Variants in SYPL1 observed in about 807,000 individuals in gnomAD.
SYPL1 encodes the protein synaptophysin like 1.
In SYPL1, 6 loss-of-function variants were observed where a neutral mutation model predicts 23.7. The observed-to-expected ratio is 0.25, with a 90% CI of 0.14 to 0.50. The LOEUF (loss-of-function observed/expected upper bound fraction) is 0.50. Among genes scored for constraint, SYPL1 ranks in the 20% least tolerant of loss-of-function variants. The pLI, the probability that SYPL1 is intolerant of heterozygous loss-of-function variation, is 0.98. For synonymous variants in SYPL1, 102 were observed against 104.5 expected (o/e 0.98, Z 0.15); for missense variants, 253 against 288.9 (o/e 0.88, Z 0.90).
In SYPL1 at chr7:106,104,347, C is replaced by G. The variant is rs1840480220; in HGVS notation, c.70-5065G>C. On this transcript the variant is annotated intron_variant, in intron 1 of 4. Coordinates refer to ENST00000455385, the MANE Select transcript of SYPL1 (RefSeq NM_182715.4). The surrounding 1 kb of genome is among the most constrained non-coding windows in gnomAD (Gnocchi z 4.1). ...TTGTTTGAGCCCAGAAGTTCAATAC[C>G]AGCTTGGGCAACACAGTGAGACCCT... Among the ~76,000 whole-genome samples, 1 of 152,044 alleles carries G rather than the reference C, an allele frequency of 6.6e-6. No individual in the cohort carries two copies. Among genetic ancestry groups the G allele is most frequent in the Non-Finnish European group, 1.5e-5 (1 of 68,010 alleles).
chr7:106,111,113 C>T (rs577783090), intron 1 of SYPL1, among the ~76,000 whole-genome samples: 2 of 152,314 alleles, frequency 1.3e-5, no homozygotes, highest in South Asian at 4.1e-4. Context: ...ACCCCTTGCG[C>T]GGTTACAATG....
At position 106,109,330 on chromosome 7, in the gene SYPL1, T is replaced by C. The variant is rs917667477; in HGVS notation, c.69+2810A>G. ...CTTCACTTTCTTACCACACATTCAT[T>C]CAGCCTACTAAAATCTGGCTTTTTG... On this transcript the variant is annotated intron_variant, in intron 1 of 4. Transcript: ENST00000455385. This position sits in a 1 kb window ranked among gnomAD's most constrained non-coding sequence, Gnocchi z 4.3. Among the ~76,000 whole-genome samples the C allele has an allele frequency of 5.9e-5, 9 of 152,240 alleles. No individual in the cohort carries two copies. The highest frequency in any genetic ancestry group is 1.9e-4 in the African/African-American group (8 of 41,460).
Position 106,100,269 on chromosome 7 carries a change from C to CA in SYPL1, c.70-988dup. ...GTTCTCTCAAATACCATCTAAAACA[C>CA]AAAAAACCTAGAAGCAACCTAAATG... On this transcript the variant is annotated intron_variant, in intron 1 of 4. Coordinates refer to ENST00000455385, the MANE Select transcript of SYPL1 (RefSeq NM_182715.4). The surrounding 1 kb of genome is among the most constrained non-coding windows in gnomAD (Gnocchi z 5.1). Among the ~76,000 whole-genome samples the CA allele has an allele frequency of 6.6e-6, 1 of 152,204 alleles. No individual in the cohort carries two copies.
rs1403827597 is a variant in SYPL1 at position 106,096,171 on chromosome 7, T to C, written c.402+1519A>G. 3 of 152,228 alleles carry C rather than the reference T, an allele frequency of 2.0e-5. No homozygotes were observed. Among genetic ancestry groups the C allele is most frequent in the Non-Finnish European group, 4.4e-5 (3 of 68,040 alleles). 9.4% of individuals were successfully genotyped at this position (152,228 alleles called of 1,614,324 possible). On this transcript the variant is annotated intron_variant, in intron 3 of 4. Coordinates refer to ENST00000455385, the MANE Select transcript of SYPL1 (RefSeq NM_182715.4). This position sits in a 1 kb window ranked among gnomAD's most constrained non-coding sequence, Gnocchi z 4.4. ...GGATAAGCACTGCAAATTAAAACAGTTGACGTCTTATCTTTTTAACAACCG... is the reference window on the plus strand; with the variant it reads ...GGATAAGCACTGCAAATTAAAACAGCTGACGTCTTATCTTTTTAACAACCG...
chr7:106,112,236 C>G lies in SYPL1; in HGVS notation c.-28G>C. 6.5e-7 allele frequency: 1 copy of G among 1,527,330 alleles called. No individual in the cohort carries two copies. The allele number at this position is 1,527,330 out of a possible 1,614,324, so 94.6% of individuals were successfully genotyped here. A position where few individuals can be genotyped will look rare whatever the true frequency, so the allele number is the denominator to read the frequency against. On this transcript the variant is annotated 5_prime_UTR_variant, in exon 1 of 5. Transcript: ENST00000455385. Reference sequence around the variant, plus strand: ...TCTGAGGAAAGGAGGGAGAGAGAGTCAGGACGACGGGGCGGAGGAGGGGAC... The same window carrying G: ...TCTGAGGAAAGGAGGGAGAGAGAGTGAGGACGACGGGGCGGAGGAGGGGAC...
rs55991313 is a variant in SYPL1, at chr7:106,095,452, C to T, written c.402+2238G>A. Among the ~76,000 whole-genome samples the T allele has an allele frequency of 0.015, 2,266 of 151,820 alleles. 44 individuals carry two copies. Among genetic ancestry groups the T allele is most frequent in the African/African-American group, 0.052 (2,163 of 41,336 alleles). ...GTAACCTCCACCTCCTGGGTTCAAG[C>T]GATTCTCCTGCCTCAGCCTCCCAGT... On this transcript the variant is annotated intron_variant, in intron 3 of 4. Coordinates refer to ENST00000455385, the MANE Select transcript of SYPL1 (RefSeq NM_182715.4). This position sits in a 1 kb window ranked among gnomAD's most constrained non-coding sequence, Gnocchi z 4.3.
At position 106,107,742 on chromosome 7, in the gene SYPL1, C is replaced by CAAAA. The variant is rs10622990; in HGVS notation, c.69+4394_69+4397dup. On this transcript the variant is annotated intron_variant, in intron 1 of 4. Transcript: ENST00000455385. Reference sequence around the variant, plus strand: ...GGGTGACAGAGCAAGACTCCGTCTCCAAAAAAAAAAAAAAAAAAAATTGGA... The same window carrying CAAAA: ...GGGTGACAGAGCAAGACTCCGTCTCCAAAAAAAAAAAAAAAAAAAAAAAATTGGA... Among the ~76,000 whole-genome samples the CAAAA allele has an allele frequency of 2.5e-3, 200 of 79,126 alleles. 1 individual carries two copies. The highest frequency in any genetic ancestry group is 7.4e-3 in the Middle Eastern group (1 of 136). The allele number at this position is 79,126 out of a possible 152,430, so 51.9% of individuals were successfully genotyped here.
At position 106,109,860 on chromosome 7, in the gene SYPL1, CA is replaced by C. The variant is rs1198886296; in HGVS notation, c.69+2279del. 6.6e-6 allele frequency among the ~76,000 whole-genome samples: 1 copy of C among 152,162 alleles called. No individual in the cohort carries two copies. Among genetic ancestry groups the C allele is most frequent in the Non-Finnish European group, 1.5e-5 (1 of 68,028 alleles). On this transcript the variant is annotated intron_variant, in intron 1 of 4. Coordinates refer to ENST00000455385, the MANE Select transcript of SYPL1 (RefSeq NM_182715.4). The surrounding 1 kb of genome is among the most constrained non-coding windows in gnomAD (Gnocchi z 4.3). ...TAGGCCCTCATAATTCCTCAATCAA[CA>C]GATTTCCCTTCCTCCAATTCTAGCC...
At chr7:106,093,641 T>A (rs1839876645) in intron 3 of SYPL1, among the ~76,000 whole-genome samples, 1 of 78,138 alleles carries the variant, frequency 1.3e-5, no homozygotes, top group Non-Finnish European at 3.8e-5. Flanking sequence ...TCCTCACTTA[T>A]TTTAATCAAT....
Position 106,099,251 on chromosome 7 carries a change from C to G in SYPL1, c.101G>C (p.Gly34Ala). The G allele has an allele frequency of 6.2e-7, 1 of 1,613,614 alleles. No individual in the cohort carries two copies. The highest frequency in any genetic ancestry group is 1.3e-5 in the African/African-American group (1 of 74,944). Residue 34 changes from glycine to alanine, a missense_variant, in exon 2 of 5, where the codon GGA becomes GCA. Physicochemically the swap from Gly to Ala is moderately conservative, Grantham distance 60 (BLOSUM62 0). Coordinates refer to ENST00000455385, the MANE Select transcript of SYPL1 (RefSeq NM_182715.4). ...AATTTCTGTTTGGCCCTTAAAACCT[C>G]CACAGGTGGCAAAAGCAAAGATAGA... Reference protein sequence around the residue: ...IASIFAFATCGGFKGQTEIQV... With the variant: ...IASIFAFATCAGFKGQTEIQV...
intron 1 of SYPL1, among the ~76,000 whole-genome samples, chr7:106,099,844 C>A (rs1169257558): frequency 6.6e-6 from 1 of 152,110 alleles, no homozygotes; most frequent in African/African-American, 2.4e-5. Context: ...TGGCTACATT[C>A]TAGAAATTCT....
rs1222809062 is a variant in SYPL1, at chr7:106,091,812, C to T, written c.719G>A (p.Gly240Glu). 4 of 1,610,824 alleles carry T rather than the reference C, an allele frequency of 2.5e-6. No individual in the cohort carries two copies. The African/African-American group carries it at 5.4e-5, about 22-fold the overall frequency. ...HSQGGIPPPTGI is the reference protein window; with the variant it reads ...HSQGGIPPPTEI The stretch of plus-strand genomic sequence containing the variant: ...GTGTATTTCTCCCTTTAATTATATT[C>T]CGGTAGGAGGTGGAATACCTCCTTG... Residue 240 changes from glycine to glutamate, a missense_variant, in exon 5 of 5, where the codon GGA (glycine) becomes GAA (glutamate). By Grantham distance (98) the Gly-to-Glu change is moderately conservative (BLOSUM62 -2). Transcript: ENST00000455385. The surrounding 1 kb of genome is among the most constrained non-coding windows in gnomAD (Gnocchi z 5.0).
Position 106,097,641 on chromosome 7 carries a change from T to A in SYPL1, c.402+49A>T. Reference sequence around the variant, plus strand: ...TTTCCAGTATAAGAAAATCTATATTTAGCTTATACAAATTATTTTTGTATT... The same window carrying A: ...TTTCCAGTATAAGAAAATCTATATTAAGCTTATACAAATTATTTTTGTATT... On this transcript the variant is annotated intron_variant, in intron 3 of 4. Coordinates refer to ENST00000455385, the MANE Select transcript of SYPL1 (RefSeq NM_182715.4). This position sits in a 1 kb window ranked among gnomAD's most constrained non-coding sequence, Gnocchi z 4.6. 6.8e-7 allele frequency: 1 copy of A among 1,478,666 alleles called. No homozygotes were observed. The highest frequency in any genetic ancestry group is 9.1e-7 in the Non-Finnish European group (1 of 1,093,420). The allele number at this position is 1,478,666 out of a possible 1,614,324, so 91.6% of individuals were successfully genotyped here. A position where few individuals can be genotyped will look rare whatever the true frequency, so the allele number is the denominator to read the frequency against.
intron 3 of SYPL1, 32 bp from the exon 4 acceptor site, chr7:106,093,169 A>C: frequency 6.5e-7 from 1 of 1,530,184 alleles, no homozygotes. Flanking sequence ...GTTAATAATG[A>C]ACAGTTAATT....
intron 1 of SYPL1, 28 bp downstream of exon 1, chr7:106,112,112 G>C: frequency 1.4e-6 from 2 of 1,418,800 alleles, no homozygotes; most frequent in Non-Finnish European, 1.9e-6. Context: ...AGCGGCAGGC[G>C]GGCCTGGCCG....
At position 106,102,997 on chromosome 7, in the gene SYPL1, C is replaced by A. The variant is rs1007543257; in HGVS notation, c.70-3715G>T. Among the ~76,000 whole-genome samples the A allele has an allele frequency of 4.9e-4, 75 of 152,070 alleles. 1 individual carries two copies. Among genetic ancestry groups the A allele is most frequent in the Admixed American group, 2.0e-4 (3 of 15,278 alleles). On this transcript the variant is annotated intron_variant, in intron 1 of 4. Transcript: ENST00000455385. ...TACAGAAAAAAAATCTTAATCAAGT[C>A]AGCTGTTGAATGTAAAACAAGCTAC...
chr7:106,104,224 T>G lies in SYPL1; in HGVS notation c.70-4942A>C, dbSNP rs1585941666. On this transcript the variant is annotated intron_variant, in intron 1 of 4. Transcript: ENST00000455385. The surrounding 1 kb of genome is among the most constrained non-coding windows in gnomAD (Gnocchi z 4.1). ...TTATATATGAACTCTACTATAGGCA[T>G]TTTTCTTGTGTAACTTGCTTTCTAA... Among the ~76,000 whole-genome samples, 4 of 152,270 alleles carry G rather than the reference T, an allele frequency of 2.6e-5. No homozygotes were observed. The South Asian group carries it at 8.3e-4, about 32-fold the overall frequency.
At chr7:106,092,203 C>T (rs982778007) in intron 4 of SYPL1, among the ~76,000 whole-genome samples, 8 of 152,160 alleles carry the variant, frequency 5.3e-5, no homozygotes, top group African/African-American at 1.9e-4. Context: ...TTTACTCTTC[C>T]AAATACTTTT....
chr7:106,102,056 G>C (rs557980695), intron 1 of SYPL1, among the ~76,000 whole-genome samples: 1 of 152,078 alleles, frequency 6.6e-6, no homozygotes, highest in African/African-American at 2.4e-5. Flanking sequence ...TAGAAGAAAT[G>C]GGATGTCTTT....
Sources: allele counts gnomAD v4.1 joint callset (sites outside exome capture counted in the v4.1 genomes callset), GRCh38; gene constraint gnomAD v4.1.1; non-coding constraint Gnocchi (gnomAD v3.1); transcripts MANE v1.5; gene names NCBI Gene and HGNC (gene_info 2026-07-23, HGNC 2026-07-21).